FRMD4B: variants seen among roughly 807,000 people sequenced by gnomAD.
The protein encoded by FRMD4B is FERM domain-containing protein 4B.
FRMD4B carries 74 observed loss-of-function variants against 141.5 expected under a neutral mutation model. The ratio of observed to expected loss-of-function variants is 0.52; its 90% CI spans 0.43 to 0.63. FRMD4B has a LOEUF of 0.63. Ranked by LOEUF, FRMD4B falls within the 30% of genes least tolerant of loss-of-function variation. The pLI is 0.00. For synonymous variants in FRMD4B, 506 were observed against 467.9 expected, an observed-to-expected ratio of 1.08 and a Z score of -1.05; for missense variants, 1,366 against 1,253.4, an observed-to-expected ratio of 1.09 and a Z score of -1.36.
At chr3:69,234,352 C>T (rs117069055) in intron 7 of FRMD4B, among the ~76,000 whole-genome samples, 1 of 151,740 alleles carries the variant, frequency 6.6e-6, no homozygotes, top group African/African-American at 2.4e-5. Flanking sequence ...TGAAGGATGA[C>T]AGATTGCATA....
Position 69,353,269 on chromosome 3 carries a change from A to G in FRMD4B, c.162+32559T>C, listed in dbSNP as rs138956026. Among the ~76,000 whole-genome samples the G allele has an allele frequency of 2.6e-5, 4 of 152,314 alleles. No homozygotes were observed. In the East Asian group the frequency reaches 7.7e-4, roughly 29 times the overall value. ...CAATGACAGGAAAACCCTCCAGACG[A>G]TGGGCGTCTTTAAGGACCATCTTCA... On this transcript the variant is annotated intron_variant, in intron 1 of 22. Coordinates refer to ENST00000398540, the MANE Select transcript of FRMD4B (RefSeq NM_015123.3).
chr3:69,198,153 A>T (rs1195407987), intron 12 of FRMD4B: 2 of 148,540 alleles, frequency 1.3e-5, no homozygotes, highest in Non-Finnish European at 3.0e-5. Flanking sequence ...GGGGGGCGGG[A>T]TTTCTCCTAA....
chr3:69,251,979 A>T (rs1018862658), intron 5 of FRMD4B, among the ~76,000 whole-genome samples: 1 of 152,240 alleles, frequency 6.6e-6, no homozygotes, highest in Non-Finnish European at 1.5e-5. Context: ...TTAAAGTCAA[A>T]TGTGTCTTAA....
In FRMD4B at chr3:69,461,442, T is replaced by G. The variant is rs144539181; in HGVS notation, c.-128-28681A>C. On this transcript the variant is annotated intron_variant, in intron 1 of 5. Transcript: ENST00000459638. ...ATAAAAATAACCAGGCTGGGCAACA[T>G]AGTGAGACCCCCATCTCTAAAATAA... Among the ~76,000 whole-genome samples the G allele has an allele frequency of 1.3e-4, 20 of 151,538 alleles. No homozygotes were observed. In the East Asian group the frequency reaches 3.7e-3, roughly 28 times the overall value.
intron 1 of FRMD4B, among the ~76,000 whole-genome samples, chr3:69,445,777 T>A (rs1328827773): frequency 6.6e-6 from 1 of 152,200 alleles, no homozygotes; most frequent in Non-Finnish European, 1.5e-5. Context: ...TCGCATGACC[T>A]TCCCAGATCA....
intron 2 of FRMD4B, among the ~76,000 whole-genome samples, chr3:69,409,096 G>A (rs534943340): frequency 3.3e-5 from 5 of 152,202 alleles, no homozygotes; most frequent in African/African-American, 1.2e-4. Flanking sequence ...CTCACAGTGA[G>A]TTTTCAGGAA....
intron 6 of FRMD4B, 136 bp downstream of exon 6, chr3:69,249,907 T>G (rs2093450229): frequency 1.5e-6 from 1 of 676,212 alleles, no homozygotes; most frequent in Admixed American, 2.3e-5. Context: ...GTGGCGCACA[T>G]TTTTCATCGG....
intron 9 of FRMD4B, among the ~76,000 whole-genome samples, chr3:69,220,576 G>T (rs1182536589): frequency 2.6e-5 from 4 of 152,160 alleles, no homozygotes; most frequent in Non-Finnish European, 4.4e-5. Context: ...TAGAGGCTAG[G>T]CACAGTGGCC....
intron 4 of FRMD4B, among the ~76,000 whole-genome samples, chr3:69,294,962 A>G (rs1427162570): frequency 1.3e-5 from 2 of 152,238 alleles, no homozygotes; most frequent in Non-Finnish European, 2.9e-5. Context: ...CAAGCCAGAC[A>G]ATCCCAAATC....
intron 2 of FRMD4B, among the ~76,000 whole-genome samples, chr3:69,410,960 G>T (rs1704751348): frequency 6.6e-6 from 1 of 151,818 alleles, no homozygotes; most frequent in Non-Finnish European, 1.5e-5. Flanking sequence ...CTGGCCTATA[G>T]AAGAGGGGCT....
chr3:69,486,425 C>T (rs138648722), intron 1 of FRMD4B, among the ~76,000 whole-genome samples: 2,009 of 140,476 alleles, frequency 0.014, 40 homozygotes, highest in African/African-American at 0.052. Context: ...TATGCCTTTG[C>T]GTCCTTATAG....
At chr3:69,458,085 C>T (rs1293759560) in intron 1 of FRMD4B, among the ~76,000 whole-genome samples, 1 of 152,196 alleles carries the variant, frequency 6.6e-6, no homozygotes, top group Non-Finnish European at 1.5e-5. Flanking sequence ...GCTTCCTGCA[C>T]CCAAGATCCT....
intron 11 of FRMD4B, among the ~76,000 whole-genome samples, chr3:69,208,780 GAAAC>G (rs937645662): frequency 6.6e-6 from 1 of 152,078 alleles, no homozygotes; most frequent in African/African-American, 2.4e-5. Context: ...GACTTCAAAG[GAAAC>G]AAATACAGTG....
At chr3:69,320,453 C>A (rs1575728064) in intron 1 of FRMD4B, among the ~76,000 whole-genome samples, 1 of 151,812 alleles carries the variant, frequency 6.6e-6, no homozygotes, top group Non-Finnish European at 1.5e-5. Context: ...ATTAGCCGGG[C>A]ATTGTGGTGT....
In FRMD4B at chr3:69,287,741, G is replaced by T; in HGVS notation, c.501+11C>A. 6.7e-7 allele frequency: 1 copy of T among 1,500,804 alleles called. No homozygotes were observed. The highest frequency in any genetic ancestry group is 1.7e-5 in the Admixed American group (1 of 59,308). 93.0% of individuals were successfully genotyped at this position (1,500,804 alleles called of 1,614,324 possible). A position where few individuals can be genotyped will look rare whatever the true frequency, so the allele number is the denominator to read the frequency against. On this transcript the variant is annotated intron_variant, in intron 5 of 22. Transcript: ENST00000398540. ...GAGGCATCCAGTGAACATGACAAAC[G>T]GGGCACCTACCTTGTGCACACAGGC...
intron 1 of FRMD4B, among the ~76,000 whole-genome samples, chr3:69,364,943 A>C (rs1171955971): frequency 6.6e-6 from 1 of 152,188 alleles, no homozygotes; most frequent in Non-Finnish European, 1.5e-5. Flanking sequence ...CATTTACAGA[A>C]GAGATAAAAC....
chr3:69,382,164 C>T (rs1233898360), intron 1 of FRMD4B, among the ~76,000 whole-genome samples: 2 of 152,148 alleles, frequency 1.3e-5, no homozygotes, highest in African/African-American at 4.8e-5. Context: ...CTCAGCCTCC[C>T]GAGTAGCTAG....
At chr3:69,404,327 C>T (rs1481455588) in intron 2 of FRMD4B, among the ~76,000 whole-genome samples, 2 of 152,140 alleles carry the variant, frequency 1.3e-5, no homozygotes, top group South Asian at 2.1e-4. Context: ...AATAAATGCA[C>T]AGGCTTTCTG....
intron 2 of FRMD4B, among the ~76,000 whole-genome samples, chr3:69,419,541 G>A (rs1575795958): frequency 6.9e-6 from 1 of 144,678 alleles, no homozygotes; most frequent in Non-Finnish European, 1.5e-5. Flanking sequence ...CTAGACCTGA[G>A]TCATCTGTCT....
Sources: gnomAD v4.1 joint callset for allele counts (sites outside exome capture counted in the v4.1 genomes callset) on GRCh38, gnomAD v4.1.1 for gene constraint, MANE v1.5 for transcripts, NCBI Gene and HGNC (gene_info 2026-07-23, HGNC 2026-07-21) for gene names.